Variants in MYO1B observed in about 807,000 individuals in gnomAD.
MYO1B encodes unconventional myosin-Ib.
Under a neutral mutation model 159.7 loss-of-function variants are expected in MYO1B, and 72 were observed. The observed-to-expected ratio is 0.45, with a 90% CI of 0.37 to 0.55. MYO1B has a LOEUF of 0.55. MYO1B is among the 20% of genes least tolerant of loss of function. The probability of loss-of-function intolerance (pLI) is 0.00; values close to 1 mark genes in which losing one functional copy is unlikely to be tolerated. For synonymous variants in MYO1B, 468 were observed against 473.8 expected, an observed-to-expected ratio of 0.99 and a Z score of 0.16; for missense variants, 1,062 against 1,364.8, an observed-to-expected ratio of 0.78 and a Z score of 3.50.
chr2:191,284,220 G>A (rs1211050352), intron 2 of MYO1B, among the ~76,000 whole-genome samples: 1 of 152,146 alleles, frequency 6.6e-6, no homozygotes, highest in Non-Finnish European at 1.5e-5. Flanking sequence ...TTAATTCTGT[G>A]GCCAGTTCAA....
At chr2:191,297,419 C>T (rs190447316) in intron 3 of MYO1B, among the ~76,000 whole-genome samples, 33 of 152,268 alleles carry the variant, frequency 2.2e-4, no homozygotes, top group Admixed American at 1.8e-3. Flanking sequence ...TGCTGCTGAA[C>T]GTGGGCTGGG....
At chr2:191,330,103 GGCCTCCTTA>G in intron 4 of MYO1B, 74 bp downstream of exon 4, 1 of 1,295,410 alleles carries the variant, frequency 7.7e-7, no homozygotes. Context: ...GGACCAGTAG[GGCCTCCTTA>G]GCAAGATCTG....
intron 20 of MYO1B, among the ~76,000 whole-genome samples, chr2:191,393,517 G>C (rs966795658): frequency 1.3e-5 from 2 of 152,082 alleles, no homozygotes; most frequent in Non-Finnish European, 2.9e-5. Context: ...AGCTGTATTT[G>C]GTTGGAAATA....
At chr2:191,377,609 A>G (rs999812348) in intron 13 of MYO1B, 20 of 152,180 alleles carry the variant, frequency 1.3e-4, no homozygotes, top group African/African-American at 4.6e-4. Context: ...TATTTTATGA[A>G]GGAGAGGGGG....
chr2:191,359,312 G>GTTTTTTTTT (rs3053692), intron 7 of MYO1B, among the ~76,000 whole-genome samples: 1 of 134,732 alleles, frequency 7.4e-6, no homozygotes, highest in Non-Finnish European at 1.6e-5. Context: ...AACCTTTGGG[G>GTTTTTTTTT]TTTTTTTTTT....
intron 26 of MYO1B, 54 bp from the exon 27 acceptor site, chr2:191,411,012 T>A: frequency 1.0e-6 from 1 of 1,004,834 alleles, no homozygotes; most frequent in Non-Finnish European, 1.5e-6. Context: ...TAAGAATGAG[T>A]AATAATTTAT....
intron 4 of MYO1B, among the ~76,000 whole-genome samples, chr2:191,332,586 T>C (rs1301986952): frequency 1.3e-5 from 2 of 152,220 alleles, no homozygotes; most frequent in African/African-American, 2.4e-5. Context: ...TCAGCACTTA[T>C]CACGTGCTGG....
At chr2:191,316,344 C>T (rs921243785) in intron 3 of MYO1B, among the ~76,000 whole-genome samples, 2 of 152,108 alleles carry the variant, frequency 1.3e-5, no homozygotes, top group Non-Finnish European at 2.9e-5. Flanking sequence ...AGATTAGGGG[C>T]CATAAGTCAT....
intron 7 of MYO1B, among the ~76,000 whole-genome samples, chr2:191,351,085 G>A (rs551446330): frequency 2.5e-4 from 38 of 152,008 alleles, no homozygotes; most frequent in African/African-American, 8.9e-4. Context: ...AGTCCTCTGG[G>A]TTTTTTGAGG....
intron 1 of MYO1B, among the ~76,000 whole-genome samples, chr2:191,264,846 G>T (rs1190032455): frequency 6.7e-6 from 1 of 149,516 alleles, no homozygotes; most frequent in East Asian, 2.0e-4. Flanking sequence ...GTTGAGCCTT[G>T]TTTTTTTTTG....
chr2:191,379,705 A>ACTATTATGAGTCCTAGTT (rs1466202008), intron 13 of MYO1B, among the ~76,000 whole-genome samples: 22 of 152,222 alleles, frequency 1.4e-4, no homozygotes. Context: ...AAAAAGTCAA[A>ACTATTATGAGTCCTAGTT]GATCTGCTCT....
intron 24 of MYO1B, among the ~76,000 whole-genome samples, chr2:191,407,348 C>A (rs534155839): frequency 6.6e-6 from 1 of 152,148 alleles, no homozygotes; most frequent in African/African-American, 2.4e-5. Flanking sequence ...TTGCTAAATT[C>A]TAACTCTCCC....
chr2:191,343,276 CT>C (rs113195117), intron 5 of MYO1B, among the ~76,000 whole-genome samples: 3,981 of 152,262 alleles, frequency 0.026, 167 homozygotes, highest in African/African-American at 0.089. Flanking sequence ...AGCAGAACTG[CT>C]TTGGGGTAGT....
intron 1 of MYO1B, among the ~76,000 whole-genome samples, chr2:191,262,619 C>T (rs1686890552): frequency 6.6e-6 from 1 of 151,944 alleles, no homozygotes; most frequent in Non-Finnish European, 1.5e-5. Flanking sequence ...GCTTCTCTCT[C>T]CCCGCCCACC....
intron 1 of MYO1B, among the ~76,000 whole-genome samples, chr2:191,259,180 T>A (rs1686647935): frequency 6.6e-6 from 1 of 152,248 alleles, no homozygotes; most frequent in African/African-American, 2.4e-5. Context: ...GCTGTTGATA[T>A]GTCCAGTTGG....
chr2:191,386,085 G>A lies in MYO1B; in HGVS notation c.1554+1G>A. On this transcript the variant is annotated splice_donor_variant, in intron 16 of 30. Transcript: ENST00000392318. LOFTEE classifies it high-confidence loss of function. ...CAGGATCCAGCATTATGCTGGAAAG[G>A]TATGGGGGAGCTGTGAGCACCCAGT... 6.2e-7 allele frequency: 1 copy of A among 1,613,940 alleles called. No homozygotes were observed. The highest frequency in any genetic ancestry group is 8.5e-7 in the Non-Finnish European group (1 of 1,179,900).
At chr2:191,378,345 GC>G (rs1694839392) in intron 13 of MYO1B, among the ~76,000 whole-genome samples, 1 of 152,064 alleles carries the variant, frequency 6.6e-6, no homozygotes, top group African/African-American at 2.4e-5. Context: ...GTACAGGCAG[GC>G]TGAGTCTGAA....
At chr2:191,299,619 A>G (rs1000152952) in intron 3 of MYO1B, among the ~76,000 whole-genome samples, 8 of 152,160 alleles carry the variant, frequency 5.3e-5, no homozygotes, top group Non-Finnish European at 1.0e-4. Flanking sequence ...CACATTTACT[A>G]TTTAATGTTT....
chr2:191,393,853 A>G (rs371575189), intron 20 of MYO1B, among the ~76,000 whole-genome samples: 14 of 152,236 alleles, frequency 9.2e-5, no homozygotes, highest in African/African-American at 3.4e-4. Flanking sequence ...TGTTGAAGGC[A>G]TACCACAGGT....
Sources: gnomAD v4.1 joint callset for allele counts (sites outside exome capture counted in the v4.1 genomes callset) on GRCh38, gnomAD v4.1.1 for gene constraint, MANE v1.5 for transcripts, NCBI Gene and HGNC (gene_info 2026-07-23, HGNC 2026-07-21) for gene names.